Variants in TNFSF4 observed in about 807,000 individuals in gnomAD.
TNFSF4 encodes tumor necrosis factor ligand superfamily member 4.
Under a neutral mutation model 7.3 loss-of-function variants are expected in TNFSF4, and 4 were observed. That is an observed-to-expected ratio of 0.55 (90% CI 0.27 to 1.25). The LOEUF (loss-of-function observed/expected upper bound fraction) is 1.25, where lower values mean the gene tolerates loss of function less well. TNFSF4 is among the 50% of genes most tolerant of loss of function. TNFSF4 has a pLI of 0.12. For synonymous variants in TNFSF4, 76 were observed against 83.7 expected (o/e 0.91, Z 0.50); for missense variants, 181 against 208.8 (o/e 0.87, Z 0.82).
the TNFSF4 span, among the ~76,000 whole-genome samples, chr1:173,401,759 A>C: frequency 2.6e-5 from 4 of 152,118 alleles, no homozygotes; most frequent in Admixed American, 6.5e-5. Flanking sequence ...ACACACACAC[A>C]CCCATATACA....
chr1:173,407,450 C>T, the TNFSF4 span, among the ~76,000 whole-genome samples: 2 of 150,394 alleles, frequency 1.3e-5, no homozygotes, highest in Admixed American at 6.7e-5. Flanking sequence ...ATCCCAGCTA[C>T]TCAGGAGGCT....
the TNFSF4 span, among the ~76,000 whole-genome samples, chr1:173,225,061 G>T: frequency 4.6e-5 from 7 of 152,036 alleles, no homozygotes; most frequent in African/African-American, 1.4e-4. Flanking sequence ...ATTTTTCTTG[G>T]TATAGAGACT....
chr1:173,268,645 GA>G, the TNFSF4 span, among the ~76,000 whole-genome samples: 1 of 152,064 alleles, frequency 6.6e-6, no homozygotes, highest in East Asian at 1.9e-4. Flanking sequence ...GGAATGGACA[GA>G]AAACAAATAA....
chr1:173,321,014 T>TA, the TNFSF4 span, among the ~76,000 whole-genome samples: 1 of 152,204 alleles, frequency 6.6e-6, no homozygotes, highest in Admixed American at 6.5e-5. Context: ...AGAGCCCATA[T>TA]AGCCAAGAAA....
chr1:173,267,446 C>A, the TNFSF4 span, among the ~76,000 whole-genome samples: 9 of 152,158 alleles, frequency 5.9e-5, no homozygotes, highest in Non-Finnish European at 8.8e-5. Context: ...TAGGTCTATC[C>A]AATCATAAAA....
the TNFSF4 span, among the ~76,000 whole-genome samples, chr1:173,304,908 G>T: frequency 6.6e-6 from 1 of 151,998 alleles, no homozygotes; most frequent in Non-Finnish European, 1.5e-5. Flanking sequence ...GGAATTAAGT[G>T]CTATCTCTTG....
chr1:173,268,639 T>C, the TNFSF4 span, among the ~76,000 whole-genome samples: 4 of 151,898 alleles, frequency 2.6e-5, no homozygotes, highest in African/African-American at 9.7e-5. Flanking sequence ...ACAGAGGGAA[T>C]GGACAGAAAA....
chr1:173,342,877 C>T, the TNFSF4 span, among the ~76,000 whole-genome samples: 1 of 152,168 alleles, frequency 6.6e-6, no homozygotes, highest in African/African-American at 2.4e-5. Flanking sequence ...AGGCACAAAG[C>T]AACATTATCT....
the TNFSF4 span, among the ~76,000 whole-genome samples, chr1:173,312,096 T>C: frequency 2.3e-3 from 355 of 152,212 alleles, 2 homozygotes; most frequent in African/African-American, 7.9e-3. Flanking sequence ...TTTGTGCATA[T>C]CCATGATGAT....
At chr1:173,412,399 T>C in the TNFSF4 span, among the ~76,000 whole-genome samples, 1 of 152,222 alleles carries the variant, frequency 6.6e-6, no homozygotes, top group South Asian at 2.1e-4. Context: ...AACTTGCGCA[T>C]GATCTCAGAG....
chr1:173,428,946 G>A, the TNFSF4 span, among the ~76,000 whole-genome samples: 19 of 152,128 alleles, frequency 1.2e-4, no homozygotes, highest in East Asian at 2.9e-3. Context: ...GGCGGAGGTT[G>A]CAGTGAGCCG....
the TNFSF4 span, among the ~76,000 whole-genome samples, chr1:173,348,463 G>T: frequency 1.3e-5 from 2 of 152,096 alleles, no homozygotes; most frequent in Non-Finnish European, 2.9e-5. Flanking sequence ...GTCTTTATCA[G>T]TAGTGTGAAA....
chr1:173,231,503 A>C, the TNFSF4 span, among the ~76,000 whole-genome samples: 1 of 152,248 alleles, frequency 6.6e-6, no homozygotes, highest in Non-Finnish European at 1.5e-5. Flanking sequence ...TGAATGGGCA[A>C]AAACTGGAAG....
rs1649180109 is a variant in TNFSF4, at chr1:173,185,420, A to G, written c.*1096T>C. 1 of 152,178 alleles carries G rather than the reference A, an allele frequency of 6.6e-6. No individual in the cohort carries two copies. Among genetic ancestry groups the G allele is most frequent in the Non-Finnish European group, 1.5e-5 (1 of 68,028 alleles). The allele number at this position is 152,178 out of a possible 1,614,324, so 9.4% of individuals were successfully genotyped here. The stretch of plus-strand genomic sequence containing the variant: ...CCTTCTAGTTTCAATTATCAATGTG[A>G]GACTATATATGGTCTATGGTATTTC... On this transcript the variant is annotated 3_prime_UTR_variant, in exon 3 of 3. Transcript: ENST00000281834.
the TNFSF4 span, among the ~76,000 whole-genome samples, chr1:173,225,938 A>T: frequency 2.6e-5 from 4 of 152,194 alleles, no homozygotes; most frequent in African/African-American, 4.8e-5. Flanking sequence ...AAAATATAAA[A>T]CAGGCTATTA....
the TNFSF4 span, among the ~76,000 whole-genome samples, chr1:173,298,095 T>A: frequency 6.6e-6 from 1 of 151,640 alleles, no homozygotes; most frequent in East Asian, 2.0e-4. Flanking sequence ...CGGGGAAAGA[T>A]TAAAAATGAG....
chr1:173,372,914 T>A, the TNFSF4 span, among the ~76,000 whole-genome samples: 5 of 152,276 alleles, frequency 3.3e-5, no homozygotes, highest in East Asian at 9.6e-4. Context: ...TATATACCGA[T>A]GGAAGTTCAT....
At chr1:173,409,620 A>G in the TNFSF4 span, among the ~76,000 whole-genome samples, 1 of 152,250 alleles carries the variant, frequency 6.6e-6, no homozygotes, top group Non-Finnish European at 1.5e-5. Context: ...GGTAAAGCCC[A>G]AGACTACAGA....
the TNFSF4 span, among the ~76,000 whole-genome samples, chr1:173,281,136 A>G: frequency 1.3e-5 from 2 of 152,096 alleles, no homozygotes. Flanking sequence ...TGAGATGCGC[A>G]TTGTTAGAAC....
Sources: allele counts gnomAD v4.1 joint callset (sites outside exome capture counted in the v4.1 genomes callset), GRCh38; gene constraint gnomAD v4.1.1; transcripts MANE v1.5; gene names NCBI Gene and HGNC (gene_info 2026-07-23, HGNC 2026-07-21).